NOL10: variants seen among roughly 807,000 people sequenced by gnomAD.
The protein encoded by NOL10 is H_NH0074G24.1.
A neutral mutation model predicts 103.5 loss-of-function variants in NOL10; 58 were observed. That is an observed-to-expected ratio of 0.56 (90% CI 0.45 to 0.70). The LOEUF (loss-of-function observed/expected upper bound fraction) is 0.70. Among genes scored for constraint, NOL10 ranks in the 30% least tolerant of loss-of-function variants. The pLI is 0.00. For synonymous variants in NOL10, 287 were observed against 282.5 expected (o/e 1.02, Z -0.16); for missense variants, 763 against 807.3 (o/e 0.95, Z 0.67).
At chr2:10,666,812 GA>G (rs952785710) in intron 8 of NOL10, among the ~76,000 whole-genome samples, 130 of 151,812 alleles carry the variant, frequency 8.6e-4, no homozygotes, top group African/African-American at 3.0e-3. Flanking sequence ...TAGCACTTAG[GA>G]AAAAAAATTT....
At chr2:10,652,705 A>C (rs1378997318) in intron 12 of NOL10, among the ~76,000 whole-genome samples, 1 of 151,960 alleles carries the variant, frequency 6.6e-6, no homozygotes, top group Non-Finnish European at 1.5e-5. Flanking sequence ...CTCACTTCTT[A>C]TCTCACTCCC....
chr2:10,651,347 G>T (rs1679439784), intron 12 of NOL10, among the ~76,000 whole-genome samples: 1 of 152,138 alleles, frequency 6.6e-6, no homozygotes, highest in Non-Finnish European at 1.5e-5. Context: ...TCCCAGTTTA[G>T]ACCAGCACTG....
chr2:10,647,384 A>G (rs895785800), intron 12 of NOL10, among the ~76,000 whole-genome samples: 2 of 152,254 alleles, frequency 1.3e-5, no homozygotes, highest in South Asian at 4.1e-4. Flanking sequence ...AGGCCAGGAA[A>G]TAAGTGCAGA....
chr2:10,659,353 G>C lies in NOL10; in HGVS notation c.678-103C>G, dbSNP rs75426415. ...ACTTCAAATCTAATGGGGGGGGGGG[G>C]GAGGAATCACATTTCTAGGCTTCTG... On this transcript the variant is annotated intron_variant, in intron 9 of 20. Transcript: ENST00000381685. 2.5e-4 allele frequency: 101 copies of C among 398,860 alleles called. 14 individuals carry two copies. In the Middle Eastern group the frequency reaches 3.1e-3, roughly 12 times the overall value. The allele number at this position is 398,860 out of a possible 1,614,324, so 24.7% of individuals were successfully genotyped here. A position where few individuals can be genotyped will look rare whatever the true frequency, so the allele number is the denominator to read the frequency against.
intron 13 of NOL10, among the ~76,000 whole-genome samples, chr2:10,631,437 A>C (rs1677833516): frequency 6.6e-6 from 1 of 152,246 alleles, no homozygotes; most frequent in Non-Finnish European, 1.5e-5. Context: ...ATTCCAAAAA[A>C]ATTAAGACAA....
At chr2:10,634,044 T>C (rs1315614056) in intron 13 of NOL10, among the ~76,000 whole-genome samples, 1 of 152,074 alleles carries the variant, frequency 6.6e-6, no homozygotes, top group East Asian at 1.9e-4. Context: ...CCCAGGCTGG[T>C]TTCAAACTCC....
intron 12 of NOL10, among the ~76,000 whole-genome samples, chr2:10,646,295 G>A (rs1679067859): frequency 6.6e-6 from 1 of 152,152 alleles, no homozygotes; most frequent in Non-Finnish European, 1.5e-5. Context: ...CCTCTCCTAA[G>A]CCTTCTCCAC....
chr2:10,595,580 G>T (rs898541585), intron 17 of NOL10, among the ~76,000 whole-genome samples: 30 of 127,646 alleles, frequency 2.4e-4, no homozygotes, highest in African/African-American at 6.0e-4. Context: ...TTACAGAAAT[G>T]TTTTTTTGTT....
intron 19 of NOL10, among the ~76,000 whole-genome samples, chr2:10,582,007 T>G (rs1429906994): frequency 3.3e-5 from 5 of 152,194 alleles, no homozygotes; most frequent in Non-Finnish European, 2.9e-5. Flanking sequence ...GCCCACACTC[T>G]TAAGTGTTAC....
At chr2:10,631,396 T>C (rs1279450195) in intron 13 of NOL10, among the ~76,000 whole-genome samples, 1 of 152,196 alleles carries the variant, frequency 6.6e-6, no homozygotes, top group African/African-American at 2.4e-5. Flanking sequence ...AAGGCTGTCA[T>C]ACTCTAGATG....
chr2:10,603,947 A>G (rs940969650), intron 14 of NOL10, among the ~76,000 whole-genome samples: 2 of 152,212 alleles, frequency 1.3e-5, no homozygotes, highest in African/African-American at 4.8e-5. Flanking sequence ...GTGGTCCCCA[A>G]CCTTTTTGGC....
At position 10,654,384 on chromosome 2, in the gene NOL10, C is replaced by G. The variant is rs535518106; in HGVS notation, c.973+97G>C. 16 of 885,414 alleles carry G rather than the reference C, an allele frequency of 1.8e-5. No homozygotes were observed. The African/African-American group carries it at 2.7e-4, about 15-fold the overall frequency. The allele number at this position is 885,414 out of a possible 1,614,324, so 54.8% of individuals were successfully genotyped here. A position where few individuals can be genotyped will look rare whatever the true frequency, so the allele number is the denominator to read the frequency against. ...TTAAGAAATAAAATGGGTTTAAAAC[C>G]TAAAAAAGTATAGCCTTTTTATTTG... On this transcript the variant is annotated intron_variant, in intron 12 of 20. Transcript: ENST00000381685.
At chr2:10,682,717 A>G (rs968773049) in intron 2 of NOL10, among the ~76,000 whole-genome samples, 1 of 151,708 alleles carries the variant, frequency 6.6e-6, no homozygotes, top group African/African-American at 2.4e-5. Context: ...CACTATTACT[A>G]CTCAATCATG....
intron 10 of NOL10, among the ~76,000 whole-genome samples, chr2:10,658,463 T>G (rs745382847): frequency 2.6e-5 from 4 of 152,032 alleles, no homozygotes; most frequent in Non-Finnish European, 2.9e-5. Flanking sequence ...AGGAGGCAAG[T>G]GTACAGGCTC....
At chr2:10,579,477 T>A (rs1053017563) in intron 19 of NOL10, among the ~76,000 whole-genome samples, 3 of 152,214 alleles carry the variant, frequency 2.0e-5, no homozygotes, top group Non-Finnish European at 4.4e-5. Context: ...TTTACACAGT[T>A]TTGTTCAGGA....
At position 10,638,782 on chromosome 2, in the gene NOL10, C is replaced by G. The variant is rs1433864049; in HGVS notation, c.1026+5538G>C. On this transcript the variant is annotated intron_variant, in intron 13 of 20. Transcript: ENST00000381685. ...CTGGGATTACAGGCGTTTGAGCCAC[C>G]GTGCCTGGCCTTTTTTTTTTTTTTT... Among the ~76,000 whole-genome samples the G allele has an allele frequency of 2.1e-5, 3 of 140,700 alleles. No homozygotes were observed. The Admixed American group carries it at 2.2e-4, about 10-fold the overall frequency. 92.3% of individuals were successfully genotyped at this position (140,700 alleles called of 152,430 possible). A position where few individuals can be genotyped will look rare whatever the true frequency, so the allele number is the denominator to read the frequency against.
intron 8 of NOL10, among the ~76,000 whole-genome samples, chr2:10,666,394 G>A (rs1433404265): frequency 2.0e-5 from 3 of 151,718 alleles, no homozygotes; most frequent in Non-Finnish European, 2.9e-5. Context: ...TCACCCAGGC[G>A]GGAGTGCAGT....
chr2:10,634,417 A>G, intron 13 of NOL10: 1 of 446,222 alleles, frequency 2.2e-6, no homozygotes, highest in Admixed American at 2.4e-5. Context: ...GCTGAAATGG[A>G]GACCCTGGCA....
Position 10,587,128 on chromosome 2 carries a change from T to TATATAC in NOL10, c.1844+1914_1844+1915insGTATAT, listed in dbSNP as rs1553296117. 1.5e-4 allele frequency among the ~76,000 whole-genome samples: 4 copies of TATATAC among 27,154 alleles called. 1 individual carries two copies. The South Asian group carries it at 2.3e-3, about 16-fold the overall frequency. The allele number at this position is 27,154 out of a possible 152,430, so 17.8% of individuals were successfully genotyped here. A position where few individuals can be genotyped will look rare whatever the true frequency, so the allele number is the denominator to read the frequency against. The stretch of plus-strand genomic sequence containing the variant: ...ATATATACATATATATACATATATA[T>TATATAC]ACATATATACACATATATATACATA... On this transcript the variant is annotated intron_variant, in intron 19 of 20. Transcript: ENST00000381685.
Sources: gnomAD v4.1 joint callset for allele counts (sites outside exome capture counted in the v4.1 genomes callset) on GRCh38, gnomAD v4.1.1 for gene constraint, MANE v1.5 for transcripts, NCBI Gene and HGNC (gene_info 2026-07-23, HGNC 2026-07-21) for gene names.